RO60: variants seen among roughly 807,000 people sequenced by gnomAD.
The protein encoded by RO60 is RNA-binding protein RO60.
In RO60, 20 loss-of-function variants were observed where a neutral mutation model predicts 55.3. The observed-to-expected ratio is 0.36, with a 90% CI of 0.25 to 0.53. RO60 has a LOEUF of 0.53. RO60 is among the 20% of genes least tolerant of loss of function. RO60 has a pLI of 0.92. For missense variants in RO60, 558 were observed against 646.6 expected, an observed-to-expected ratio of 0.86 and a Z score of 1.49; for synonymous variants, 213 against 213.6, an observed-to-expected ratio of 1.00 and a Z score of 0.02.
intron 2 of RO60, among the ~76,000 whole-genome samples, chr1:193,071,843 T>C (rs1292668252): frequency 8.6e-6 from 1 of 116,690 alleles, no homozygotes; most frequent in Non-Finnish European, 2.0e-5. Flanking sequence ...TACCTATATA[T>C]GTATGCATAT....
rs1037437381 is a variant in RO60 at position 193,089,073 on chromosome 1, A to G, written c.*4342A>G. ...AGTAATAGGCAGGCTTCTTGGAACA[A>G]TAAGTAGATTGATACACTCCTCCCC... On this transcript the variant is annotated 3_prime_UTR_variant, in exon 9 of 9. Coordinates refer to ENST00000400968, the MANE Select transcript of RO60 (RefSeq NM_001173524.2). The G allele has an allele frequency of 2.0e-5, 3 of 152,150 alleles. No homozygotes were observed. Among genetic ancestry groups the G allele is most frequent in the Non-Finnish European group, 2.9e-5 (2 of 67,992 alleles). 9.4% of individuals were successfully genotyped at this position (152,150 alleles called of 1,614,324 possible). A position where few individuals can be genotyped will look rare whatever the true frequency, so the allele number is the denominator to read the frequency against.
rs1674646468 is a variant in RO60 at position 193,086,920 on chromosome 1, G to T, written c.*2189G>T. ...CTAAAAGCTAATTTTTTAAATTTTT[G>T]TTAGAGAGCTGAGGTCCAAGACAGA... On this transcript the variant is annotated 3_prime_UTR_variant, in exon 9 of 9. Transcript: ENST00000400968. 6.6e-6 allele frequency: 1 copy of T among 152,098 alleles called. No homozygotes were observed. The highest frequency in any genetic ancestry group is 6.6e-5 in the Admixed American group (1 of 15,260). 9.4% of individuals were successfully genotyped at this position (152,098 alleles called of 1,614,324 possible).
chr1:193,083,438 A>G (rs1674453291), intron 8 of RO60, among the ~76,000 whole-genome samples: 1 of 152,214 alleles, frequency 6.6e-6, no homozygotes, highest in African/African-American at 2.4e-5. Flanking sequence ...GCTTTCTGAA[A>G]TGACATAAAT....
At chr1:193,063,799 A>G (rs1475739710) in intron 1 of RO60, among the ~76,000 whole-genome samples, 2 of 152,234 alleles carry the variant, frequency 1.3e-5, no homozygotes, top group Admixed American at 1.3e-4. Context: ...CCTGCGGACT[A>G]CAAATTCAAG....
chr1:193,070,490 T>C (rs1054274031), intron 2 of RO60: 2 of 389,882 alleles, frequency 5.1e-6, no homozygotes, highest in African/African-American at 4.2e-5. Flanking sequence ...TAATTTGAAG[T>C]GTGAAGTTCC....
chr1:193,076,896 T>G lies in RO60; in HGVS notation c.949-17T>G. 4 of 1,598,360 alleles carry G rather than the reference T, an allele frequency of 2.5e-6. No individual in the cohort carries two copies. The South Asian group carries it at 3.4e-5, about 14-fold the overall frequency. Reference sequence around the variant, plus strand: ...TCACTGTTTTTTGCTAAAATTTTCCTTATACTTTGTTTCTAGGCTCGTATA... The same window carrying G: ...TCACTGTTTTTTGCTAAAATTTTCCGTATACTTTGTTTCTAGGCTCGTATA... On this transcript the variant is annotated splice_polypyrimidine_tract_variant and intron_variant, in intron 4 of 8. Coordinates refer to ENST00000400968, the MANE Select transcript of RO60 (RefSeq NM_001173524.2).
chr1:193,061,348 A>G (rs977257959), intron 1 of RO60, among the ~76,000 whole-genome samples: 1 of 152,204 alleles, frequency 6.6e-6, no homozygotes, highest in Non-Finnish European at 1.5e-5. Flanking sequence ...GTTTCTTTAC[A>G]TTTGTCATGC....
At chr1:193,060,171 TG>T (rs1189415561) in intron 1 of RO60, 2 of 1,111,558 alleles carry the variant, frequency 1.8e-6, no homozygotes, top group Non-Finnish European at 2.3e-6. Context: ...AGGATCTTTG[TG>T]GGAAGACAGG....
chr1:193,068,250 G>C (rs1673252149), intron 1 of RO60, among the ~76,000 whole-genome samples: 1 of 152,182 alleles, frequency 6.6e-6, no homozygotes, highest in Non-Finnish European at 1.5e-5. Flanking sequence ...CTTGTGATAA[G>C]TATACATGCT....
rs745317535 is a variant in RO60, at chr1:193,079,081, CTTTTTTTTT to C, written c.1086+2047_1086+2055del. Among the ~76,000 whole-genome samples the C allele has an allele frequency of 1.0e-4, 9 of 85,952 alleles. No homozygotes were observed. In the Admixed American group the frequency reaches 1.2e-3, roughly 11 times the overall value. 56.4% of individuals were successfully genotyped at this position (85,952 alleles called of 152,430 possible). A position where few individuals can be genotyped will look rare whatever the true frequency, so the allele number is the denominator to read the frequency against. ...AAACCTTGCATATATGTTCAGTTGACTTTTTTTTTTTTTTTTTTTTTTTTGAGACAGAGT... is the reference window on the plus strand; with the variant it reads ...AAACCTTGCATATATGTTCAGTTGACTTTTTTTTTTTTTTTGAGACAGAGT... On this transcript the variant is annotated intron_variant, in intron 5 of 8. Coordinates refer to ENST00000400968, the MANE Select transcript of RO60 (RefSeq NM_001173524.2).
chr1:193,070,097 T>C (rs957779894), intron 2 of RO60, among the ~76,000 whole-genome samples: 6 of 151,662 alleles, frequency 4.0e-5, no homozygotes, highest in Non-Finnish European at 8.8e-5. Context: ...TTCCTTAAGA[T>C]TATGTATAGA....
chr1:193,081,322 A>C (rs1244712711), intron 5 of RO60, 42 bp from the exon 6 acceptor site: 1 of 1,166,998 alleles, frequency 8.6e-7, no homozygotes, highest in South Asian at 1.3e-5. Context: ...TCTACTTATA[A>C]TTTCTGTTAT....
chr1:193,088,852 A>G lies in RO60; in HGVS notation c.*4121A>G, dbSNP rs1345845483. The G allele has an allele frequency of 1.3e-5, 2 of 152,148 alleles. No homozygotes were observed. Among genetic ancestry groups the G allele is most frequent in the Admixed American group, 6.6e-5 (1 of 15,266 alleles). 9.4% of individuals were successfully genotyped at this position (152,148 alleles called of 1,614,324 possible). A position where few individuals can be genotyped will look rare whatever the true frequency, so the allele number is the denominator to read the frequency against. On this transcript the variant is annotated 3_prime_UTR_variant, in exon 9 of 9. Coordinates refer to ENST00000400968, the MANE Select transcript of RO60 (RefSeq NM_001173524.2). The stretch of plus-strand genomic sequence containing the variant: ...TGTTTCCTCATCTCTTATTTGTTGG[A>G]AGATTACTTTTCTACCTCTTTTTTT...
intron 2 of RO60, among the ~76,000 whole-genome samples, chr1:193,075,465 A>G (rs1314904927): frequency 6.6e-6 from 1 of 151,748 alleles, no homozygotes; most frequent in East Asian, 1.9e-4. Context: ...ACAATACAAT[A>G]CAATATTAAT....
At position 193,069,148 on chromosome 1, in the gene RO60, C is replaced by T. The variant is rs1673311295; in HGVS notation, c.94C>T (p.Arg32Ter). Residue 32 changes from arginine (R) to a stop codon, truncating the protein, a stop_gained, in exon 2 of 9, where the codon CGA (arginine) becomes TGA (stop). Coordinates refer to ENST00000400968, the MANE Select transcript of RO60 (RefSeq NM_001173524.2). LOFTEE classifies it high-confidence loss of function. Reference protein sequence around the residue: ...GYVWQVTDMNRLHRFLCFGSE... With the variant: ...GYVWQVTDMN ...TGTATGGCAAGTCACTGACATGAAT[C>T]GACTACACCGGTTCTTATGTTTCGG... The T allele has an allele frequency of 1.2e-6, 2 of 1,614,052 alleles. No individual in the cohort carries two copies. Among genetic ancestry groups the T allele is most frequent in the Non-Finnish European group, 1.7e-6 (2 of 1,179,968 alleles).
intron 2 of RO60, among the ~76,000 whole-genome samples, chr1:193,069,895 G>C (rs1270802320): frequency 6.6e-6 from 1 of 152,134 alleles, no homozygotes; most frequent in African/African-American, 2.4e-5. Context: ...GTCCTAACTG[G>C]AATGCTCACC....
downstream of RO60, chr1:193,091,529 CA>C: frequency 1.2e-6 from 1 of 801,450 alleles, no homozygotes; most frequent in Non-Finnish European, 2.0e-6. Flanking sequence ...GTAAATAATA[CA>C]ACTAACAATG....
rs1673971453 is a variant in RO60 at position 193,077,030 on chromosome 1, G to A, written c.1066G>A (p.Ala356Thr). 6.2e-7 allele frequency: 1 copy of A among 1,610,154 alleles called. No individual in the cohort carries two copies. The highest frequency in any genetic ancestry group is 8.5e-7 in the Non-Finnish European group (1 of 1,177,686). ...AGAAATTTTGAAAGCATTGGATGCTGCTTTTTATAAAACATTTAAGGTAGT... is the reference window on the plus strand; with the variant it reads ...AGAAATTTTGAAAGCATTGGATGCTACTTTTTATAAAACATTTAAGGTAGT... ...DEEILKALDAAFYKTFKTVEP... is the reference protein window; with the variant it reads ...DEEILKALDATFYKTFKTVEP... The change falls in exon 5 of 9, where the codon GCT becomes ACT. Residue 356 changes from alanine (A) to threonine (T), a missense_variant. Coordinates refer to ENST00000400968, the MANE Select transcript of RO60 (RefSeq NM_001173524.2).
At chr1:193,065,888 G>C (rs2103023879) in intron 1 of RO60, among the ~76,000 whole-genome samples, 1 of 152,178 alleles carries the variant, frequency 6.6e-6, no homozygotes, top group South Asian at 2.1e-4. Context: ...ACACAATTCA[G>C]ATCACTGTCC....
Sources: allele counts gnomAD v4.1 joint callset (sites outside exome capture counted in the v4.1 genomes callset), GRCh38; gene constraint gnomAD v4.1.1; transcripts MANE v1.5; gene names NCBI Gene and HGNC (gene_info 2026-07-23, HGNC 2026-07-21).